Variants in CDH18 observed in about 807,000 individuals in gnomAD.
The protein encoded by CDH18 is cadherin 18.
CDH18 carries 31 observed loss-of-function variants against 67.9 expected under a neutral mutation model. That is an observed-to-expected ratio of 0.46 (90% confidence interval 0.34 to 0.62). The LOEUF (loss-of-function observed/expected upper bound fraction) is 0.62. Among genes scored for constraint, CDH18 ranks in the 20% least tolerant of loss-of-function variants. The probability of loss-of-function intolerance (pLI) is 0.01; values close to 1 mark genes in which losing one functional copy is unlikely to be tolerated. For synonymous variants in CDH18, 362 were observed against 347.2 expected (o/e 1.04, Z -0.48); for missense variants, 890 against 975.5 (o/e 0.91, Z 1.17).
intron 2 of CDH18, among the ~76,000 whole-genome samples, chr5:20,212,881 G>C (rs890246134): frequency 3.9e-5 from 6 of 151,972 alleles, no homozygotes; most frequent in African/African-American, 7.2e-5. Context: ...GACCTATAAA[G>C]ACCAGTAAAA....
At chr5:19,500,754 A>T (rs572029410) in intron 11 of CDH18, among the ~76,000 whole-genome samples, 2 of 152,314 alleles carry the variant, frequency 1.3e-5, no homozygotes, top group East Asian at 3.9e-4. Context: ...AAGCATGTAC[A>T]TATTTTTTAG....
chr5:19,898,577 A>C (rs1420258800), intron 2 of CDH18, among the ~76,000 whole-genome samples: 1 of 152,078 alleles, frequency 6.6e-6, no homozygotes, highest in Non-Finnish European at 1.5e-5. Context: ...TAAAGGAATA[A>C]TATGGAGTGA....
rs375813804 is a variant in CDH18 at position 20,245,707 on chromosome 5, A to G, written c.-518+9737T>C. 3.3e-3 allele frequency among the ~76,000 whole-genome samples: 502 copies of G among 152,154 alleles called. 7 individuals carry two copies. The highest frequency in any genetic ancestry group is 0.026 in the South Asian group (126 of 4,806). ...AGTGCCCCCTATTAAAATACACCATACCACACATAAAAACACGCATATAAT... is the reference window on the plus strand; with the variant it reads ...AGTGCCCCCTATTAAAATACACCATGCCACACATAAAAACACGCATATAAT... On this transcript the variant is annotated intron_variant, in intron 2 of 14. Coordinates refer to the CDH18 transcript ENST00000507958.
chr5:19,891,583 C>A (rs1357917608), intron 2 of CDH18, among the ~76,000 whole-genome samples: 1 of 152,090 alleles, frequency 6.6e-6, no homozygotes, highest in African/African-American at 2.4e-5. Context: ...CATTATCTCC[C>A]TCAGGAGATA....
intron 2 of CDH18, among the ~76,000 whole-genome samples, chr5:19,976,681 A>G (rs1157006350): frequency 3.9e-5 from 6 of 152,156 alleles, no homozygotes; most frequent in African/African-American, 1.4e-4. Context: ...TGACAGAGGA[A>G]AGAAATAATA....
At chr5:20,446,082 C>T (rs1489809149) in intron 1 of CDH18, among the ~76,000 whole-genome samples, 1 of 152,026 alleles carries the variant, frequency 6.6e-6, no homozygotes, top group Non-Finnish European at 1.5e-5. Context: ...TTAAGAAAAG[C>T]CCACTCAGGG....
intron 2 of CDH18, among the ~76,000 whole-genome samples, chr5:19,933,620 C>A (rs915075513): frequency 2.0e-5 from 3 of 151,452 alleles, no homozygotes; most frequent in East Asian, 3.9e-4. Context: ...GTACTCTTGG[C>A]AAGATCAGCA....
chr5:20,082,935 C>T (rs1182279849), intron 2 of CDH18, among the ~76,000 whole-genome samples: 1 of 152,144 alleles, frequency 6.6e-6, no homozygotes, highest in African/African-American at 2.4e-5. Flanking sequence ...GACTTGTACC[C>T]TTTGGAACTG....
chr5:20,173,158 T>A (rs185829232), intron 2 of CDH18, among the ~76,000 whole-genome samples: 1 of 152,170 alleles, frequency 6.6e-6, no homozygotes, highest in Non-Finnish European at 1.5e-5. Context: ...GGAACCCCCA[T>A]GGCTGCTGCC....
rs565276834 is a variant in CDH18, at chr5:19,783,914, T to C, written c.229-36678A>G. On this transcript the variant is annotated intron_variant, in intron 3 of 12. Transcript: ENST00000382275. ...ACCAACATTAAAATGCCCTGTATTA[T>C]TTACTGAATGCCTACTCTGTACCTG... Among the ~76,000 whole-genome samples, 7 of 152,284 alleles carry C rather than the reference T, an allele frequency of 4.6e-5. No homozygotes were observed. In the East Asian group the frequency reaches 1.3e-3, roughly 29 times the overall value.
At chr5:19,957,088 T>C (rs766764747) in intron 2 of CDH18, among the ~76,000 whole-genome samples, 1 of 151,974 alleles carries the variant, frequency 6.6e-6, no homozygotes, top group Non-Finnish European at 1.5e-5. Flanking sequence ...TTTAGTAAAG[T>C]GCTGCAAAGT....
At chr5:19,522,235 A>G (rs1747014204) in intron 9 of CDH18, among the ~76,000 whole-genome samples, 1 of 152,128 alleles carries the variant, frequency 6.6e-6, no homozygotes, top group East Asian at 1.9e-4. Context: ...TGCAATATTC[A>G]TATATTCTAA....
intron 2 of CDH18, among the ~76,000 whole-genome samples, chr5:20,035,828 CTG>C (rs1165973583): frequency 1.3e-5 from 2 of 151,998 alleles, no homozygotes; most frequent in Non-Finnish European, 2.9e-5. Context: ...AAACTCAAGT[CTG>C]TGTAGTGCCC....
intron 1 of CDH18, among the ~76,000 whole-genome samples, chr5:20,266,467 G>A (rs1019949521): frequency 6.6e-6 from 1 of 151,420 alleles, no homozygotes; most frequent in Admixed American, 6.6e-5. Flanking sequence ...ACAGTGGTGC[G>A]ATTTCACCTC....
intron 1 of CDH18, among the ~76,000 whole-genome samples, chr5:20,430,613 T>C (rs1216386288): frequency 6.6e-6 from 1 of 152,210 alleles, no homozygotes; most frequent in Non-Finnish European, 1.5e-5. Flanking sequence ...AGCAAAGTGG[T>C]ATTTTCTTCA....
chr5:19,753,462 A>G (rs1175992401), intron 3 of CDH18, among the ~76,000 whole-genome samples: 5 of 152,326 alleles, frequency 3.3e-5, no homozygotes, highest in East Asian at 1.9e-4. Flanking sequence ...AATTAACCCA[A>G]TCCAACAAAG....
At chr5:19,840,279 A>T (rs1782145761) in intron 2 of CDH18, among the ~76,000 whole-genome samples, 1 of 49,300 alleles carries the variant, frequency 2.0e-5, no homozygotes. Context: ...CGTCTCAAAA[A>T]AAAAAAAAGA....
At chr5:20,269,027 C>A (rs1745249314) in intron 1 of CDH18, among the ~76,000 whole-genome samples, 3 of 151,966 alleles carry the variant, frequency 2.0e-5, no homozygotes, top group Admixed American at 2.0e-4. Context: ...TGACTGAACA[C>A]CAACAACAGC....
At chr5:20,258,828 C>T (rs1268896568) in intron 1 of CDH18, among the ~76,000 whole-genome samples, 1 of 151,974 alleles carries the variant, frequency 6.6e-6, no homozygotes, top group Non-Finnish European at 1.5e-5. Context: ...CCAAAGAACT[C>T]AGAGAAAGCT....
Sources: allele counts gnomAD v4.1 joint callset (sites outside exome capture counted in the v4.1 genomes callset), GRCh38; gene constraint gnomAD v4.1.1; transcripts MANE v1.5; gene names NCBI Gene and HGNC (gene_info 2026-07-23, HGNC 2026-07-21).